The following EPN2 variants were observed in gnomAD, a reference collection of about 807,000 sequenced individuals.
EPN2 encodes the protein epsin 2.
Under a neutral mutation model 61.7 loss-of-function variants are expected in EPN2, and 34 were observed. That is an observed-to-expected ratio of 0.55 (90% confidence interval 0.42 to 0.73). EPN2 has a LOEUF of 0.73. Among genes scored for constraint, EPN2 ranks in the 30% least tolerant of loss-of-function variants. EPN2 has a pLI of 0.00. For missense variants in EPN2, 714 were observed against 839.2 expected, an observed-to-expected ratio of 0.85 and a Z score of 1.84; for synonymous variants, 349 against 353.6, an observed-to-expected ratio of 0.99 and a Z score of 0.15.
intron 4 of EPN2, among the ~76,000 whole-genome samples, chr17:19,295,826 C>T (rs182264546): frequency 1.3e-5 from 2 of 152,260 alleles, no homozygotes; most frequent in African/African-American, 2.4e-5. Flanking sequence ...CCAGGTGCCG[C>T]GGTGGCACTG....
At chr17:19,310,602 G>C (rs34775844) in intron 5 of EPN2, among the ~76,000 whole-genome samples, 1 of 68,074 alleles carries the variant, frequency 1.5e-5, no homozygotes, top group South Asian at 4.7e-4. Context: ...TTTTGAATCA[G>C]AGTCTCACTC....
At chr17:19,313,014 G>A (rs1906218574) in intron 6 of EPN2, 91 bp from the exon 7 acceptor site, 7 of 1,378,554 alleles carry the variant, frequency 5.1e-6, no homozygotes, top group African/African-American at 1.5e-5. Context: ...TGGAGGAAGA[G>A]GCACAGGTGG....
rs1358031347 is a variant in EPN2 at position 19,328,792 on chromosome 17, C to A, written c.1229C>A (p.Pro410His). 3 of 1,613,726 alleles carry A rather than the reference C, an allele frequency of 1.9e-6. No homozygotes were observed. The highest frequency in any genetic ancestry group is 2.5e-6 in the Non-Finnish European group (3 of 1,179,728). Residue 410 changes from proline (P) to histidine (H), a missense_variant, in exon 8 of 11, where the codon CCC becomes CAC. Physicochemically the swap from Pro to His is moderately conservative, Grantham distance 77. Transcript: ENST00000314728. ...TVQSVPKNSDPWAASQQPASS... is the reference protein window; with the variant it reads ...TVQSVPKNSDHWAASQQPASS... ...CAATCTGTCCCCAAGAACTCGGACC[C>A]CTGGGCAGCTTCACAGCAGCCTGCC... is the stretch of plus-strand genomic sequence containing the variant.
At chr17:19,246,748 G>A (rs1259235974) in intron 1 of EPN2, among the ~76,000 whole-genome samples, 2 of 142,076 alleles carry the variant, frequency 1.4e-5, no homozygotes, top group East Asian at 2.2e-4. Context: ...CCCCCTGAAA[G>A]CAAGTCCTCC....
At chr17:19,322,270 G>A (rs1308906248) in intron 7 of EPN2, among the ~76,000 whole-genome samples, 1 of 152,206 alleles carries the variant, frequency 6.6e-6, no homozygotes, top group Non-Finnish European at 1.5e-5. Flanking sequence ...AAAGGCACAA[G>A]TATCCATGGG....
At chr17:19,286,952 G>A (rs1236288751) in intron 4 of EPN2, among the ~76,000 whole-genome samples, 1 of 152,166 alleles carries the variant, frequency 6.6e-6, no homozygotes, top group Non-Finnish European at 1.5e-5. Flanking sequence ...GCTGTTCTCA[G>A]CAGGTCCCGC....
intron 7 of EPN2, among the ~76,000 whole-genome samples, chr17:19,318,564 A>AAAAAAAAAAAAAAAAAAAAAAAAAC (rs1884620660): frequency 6.7e-6 from 1 of 148,930 alleles, no homozygotes; most frequent in Non-Finnish European, 1.5e-5. Context: ...AAAAAAAAAA[A>AAAAAAAAAAAAAAAAAAAAAAAAAC]AAAGAGTAGG....
chr17:19,286,848 G>C (rs145122466), intron 4 of EPN2, among the ~76,000 whole-genome samples: 2 of 152,160 alleles, frequency 1.3e-5, no homozygotes, highest in Admixed American at 6.5e-5. Flanking sequence ...GCTCTGCACT[G>C]TAAAGAATGT....
chr17:19,326,238 T>G (rs969963480), intron 7 of EPN2, among the ~76,000 whole-genome samples: 1 of 152,176 alleles, frequency 6.6e-6, no homozygotes, highest in Admixed American at 6.5e-5. Flanking sequence ...CCAAAAATAT[T>G]TAATTTTTGT....
intron 1 of EPN2, among the ~76,000 whole-genome samples, chr17:19,280,236 G>A (rs1437144489): frequency 6.6e-6 from 1 of 152,188 alleles, no homozygotes; most frequent in African/African-American, 2.4e-5. Flanking sequence ...AAATTGAAGG[G>A]CCTGGTGGTC....
At chr17:19,306,479 C>G (rs1905849300) in intron 4 of EPN2, among the ~76,000 whole-genome samples, 1 of 152,214 alleles carries the variant, frequency 6.6e-6, no homozygotes, top group African/African-American at 2.4e-5. Context: ...GGGGAATACC[C>G]ATTGTCTTTA....
At chr17:19,286,097 AGG>A (rs2045402164) in intron 4 of EPN2, among the ~76,000 whole-genome samples, 2 of 152,172 alleles carry the variant, frequency 1.3e-5, no homozygotes, top group Non-Finnish European at 2.9e-5. Flanking sequence ...GACAAACTGG[AGG>A]GGGCTCTGCC....
At chr17:19,294,439 G>T (rs992308379) in intron 4 of EPN2, among the ~76,000 whole-genome samples, 2 of 152,058 alleles carry the variant, frequency 1.3e-5, no homozygotes, top group African/African-American at 4.8e-5. Flanking sequence ...AAAATATTGG[G>T]GATTGGGTTA....
At chr17:19,332,172 G>A in intron 10 of EPN2, 104 bp downstream of exon 10, 1 of 838,218 alleles carries the variant, frequency 1.2e-6, no homozygotes, top group Non-Finnish European at 1.9e-6. Context: ...GGAAGGGGTG[G>A]GACTAGCTGG....
intron 6 of EPN2, 53 bp from the exon 7 acceptor site, chr17:19,313,052 T>C: frequency 6.3e-7 from 1 of 1,576,970 alleles, no homozygotes; most frequent in Non-Finnish European, 8.7e-7. Flanking sequence ...TTCATGAGTA[T>C]TTGCTGTAAC....
chr17:19,282,134 G>C (rs756928993), intron 2 of EPN2, 57 bp downstream of exon 2: 5 of 152,192 alleles, frequency 3.3e-5, no homozygotes, highest in African/African-American at 1.2e-4. Context: ...TGGTTGGAGC[G>C]AGTTAATAGA....
At chr17:19,247,968 A>C (rs1423750114) in intron 1 of EPN2, among the ~76,000 whole-genome samples, 1 of 152,150 alleles carries the variant, frequency 6.6e-6, no homozygotes, top group Non-Finnish European at 1.5e-5. Flanking sequence ...AATGCCCATG[A>C]TGGGGCCCTA....
intron 5 of EPN2, among the ~76,000 whole-genome samples, chr17:19,310,738 C>T (rs564054599): frequency 8.6e-5 from 13 of 151,614 alleles, no homozygotes; most frequent in African/African-American, 2.7e-4. Context: ...CCACCATGCC[C>T]GGCTAATTTT....
rs1479661224 is a variant in EPN2 at position 19,283,540 on chromosome 17, A to T, written c.421A>T (p.Lys141Ter). ...VALLKDEERL[K>*]AERAQALKTK... is the part of the protein sequence containing the mutation. ...TCTCCTCAAGGACGAGGAACGGTTGAAGGCTGAGAGGGCCCAGGCTCTCAA... is the reference window on the plus strand; with the variant it reads ...TCTCCTCAAGGACGAGGAACGGTTGTAGGCTGAGAGGGCCCAGGCTCTCAA... The change falls in exon 3 of 11, where the codon AAG (lysine) becomes TAG (stop). Residue 141 changes from lysine (K) to a stop codon, truncating the protein, a stop_gained. Transcript: ENST00000314728. LOFTEE classifies it high-confidence loss of function. This position sits in a 1 kb window ranked among gnomAD's most constrained non-coding sequence, Gnocchi z 7.0. The T allele has an allele frequency of 1.2e-6, 2 of 1,614,120 alleles. No homozygotes were observed. The highest frequency in any genetic ancestry group is 1.7e-6 in the Non-Finnish European group (2 of 1,180,056).
Sources: allele counts gnomAD v4.1 joint callset (sites outside exome capture counted in the v4.1 genomes callset), GRCh38; gene constraint gnomAD v4.1.1; non-coding constraint Gnocchi (gnomAD v3.1); transcripts MANE v1.5; gene names NCBI Gene and HGNC (gene_info 2026-07-23, HGNC 2026-07-21).